Variants in ASXL2 observed in about 807,000 individuals in gnomAD.
ASXL2 encodes putative Polycomb group protein ASXL2.
ASXL2 carries 23 observed loss-of-function variants against 122.0 expected under a neutral mutation model. The observed-to-expected ratio is 0.19, with a 90% CI of 0.14 to 0.27. ASXL2 has a LOEUF of 0.27. Among genes scored for constraint, ASXL2 ranks in the 10% least tolerant of loss-of-function variants. The pLI is 1.00. For synonymous variants in ASXL2, 650 were observed against 637.0 expected, an observed-to-expected ratio of 1.02 and a Z score of -0.31; for missense variants, 1,518 against 1,713.8, an observed-to-expected ratio of 0.89 and a Z score of 2.02.
At chr2:25,849,906 G>A (rs1392072403) in intron 1 of ASXL2, among the ~76,000 whole-genome samples, 5 of 151,946 alleles carry the variant, frequency 3.3e-5, no homozygotes, top group Non-Finnish European at 7.4e-5. Flanking sequence ...CTATAGTTTT[G>A]GGGAGAAAGA....
intron 5 of ASXL2, among the ~76,000 whole-genome samples, chr2:25,779,187 A>G (rs2088594058): frequency 2.2e-5 from 3 of 135,920 alleles, no homozygotes; most frequent in Non-Finnish European, 4.6e-5. Context: ...CCTCCACTTG[A>G]TTGGGTTCAA....
intron 5 of ASXL2, among the ~76,000 whole-genome samples, chr2:25,773,580 G>T (rs1301924375): frequency 6.7e-6 from 1 of 150,082 alleles, no homozygotes; most frequent in Non-Finnish European, 1.5e-5. Context: ...GCAGGAGAAT[G>T]GCATGAACCT....
chr2:25,792,974 C>T (rs576456947), intron 5 of ASXL2, among the ~76,000 whole-genome samples: 10 of 151,676 alleles, frequency 6.6e-5, no homozygotes, highest in South Asian at 4.2e-4. Context: ...AATTTTAGGC[C>T]GGGCGTGGCG....
At chr2:25,825,521 A>G (rs963760404) in intron 3 of ASXL2, among the ~76,000 whole-genome samples, 3 of 152,240 alleles carry the variant, frequency 2.0e-5, no homozygotes, top group African/African-American at 7.2e-5. Flanking sequence ...GGTATCTCAT[A>G]TAAGTGGAAT....
At chr2:25,810,200 C>A in intron 3 of ASXL2, 1 of 587,684 alleles carries the variant, frequency 1.7e-6, no homozygotes. Flanking sequence ...GCTCATCCAT[C>A]TCTCGGCAAT....
chr2:25,776,623 G>A (rs940076513), intron 5 of ASXL2, among the ~76,000 whole-genome samples: 3 of 152,168 alleles, frequency 2.0e-5, no homozygotes, highest in African/African-American at 7.2e-5. Flanking sequence ...CACCAGGAAT[G>A]TACAAGGCCA....
At chr2:25,866,106 AAAGC>A (rs2089900573) in intron 1 of ASXL2, among the ~76,000 whole-genome samples, 1 of 151,940 alleles carries the variant, frequency 6.6e-6, no homozygotes, top group Non-Finnish European at 1.5e-5. Context: ...GATTGTCATT[AAAGC>A]TTAAGACTTC....
intron 1 of ASXL2, among the ~76,000 whole-genome samples, chr2:25,850,185 A>AT (rs34780293): frequency 1.1e-4 from 16 of 149,680 alleles, no homozygotes; most frequent in East Asian, 7.8e-4. Context: ...AAGGACTTAA[A>AT]TTTTTTTTTT....
intron 1 of ASXL2, among the ~76,000 whole-genome samples, chr2:25,862,850 C>G (rs1467986350): frequency 6.6e-6 from 1 of 151,948 alleles, no homozygotes; most frequent in Admixed American, 6.6e-5. Flanking sequence ...AGGTGATCCA[C>G]CTGCCTCGGC....
chr2:25,773,675 A>AC (rs1333489348), intron 5 of ASXL2, among the ~76,000 whole-genome samples: 3 of 151,710 alleles, frequency 2.0e-5, no homozygotes, highest in African/African-American at 4.8e-5. Context: ...CAAAAAAAAA[A>AC]AAACAAAAAT....
Position 25,737,326 on chromosome 2 carries a change from T to A in ASXL2, c.*4703A>T, listed in dbSNP as rs762584523. The A allele has an allele frequency of 6.6e-6, 1 of 151,928 alleles. No individual in the cohort carries two copies. The allele number at this position is 151,928 out of a possible 1,614,324, so 9.4% of individuals were successfully genotyped here. A position where few individuals can be genotyped will look rare whatever the true frequency, so the allele number is the denominator to read the frequency against. On this transcript the variant is annotated 3_prime_UTR_variant, in exon 13 of 13. Transcript: ENST00000435504. ...ACCACTGTGGAGAAAGGAAAACCTA[T>A]TTTTTCCCCCGAGATATTTCCTTAC...
chr2:25,743,806 G>C lies in ASXL2; in HGVS notation c.2531C>G (p.Ala844Gly). The C allele has an allele frequency of 6.2e-7, 1 of 1,614,016 alleles. No individual in the cohort carries two copies. The highest frequency in any genetic ancestry group is 8.5e-7 in the Non-Finnish European group (1 of 1,179,902). The stretch of plus-strand genomic sequence containing the variant: ...ATCAGCTGCACAATGAACAGGTGAG[G>C]CACCTGAGATTAGAGCAGGACCTGT... Reference protein sequence around the residue: ...SPTGPALISGASPVHCAADGT... With the variant: ...SPTGPALISGGSPVHCAADGT... The change falls in exon 13 of 13, where the codon GCC (alanine) becomes GGC (glycine). Residue 844 changes from alanine to glycine, a missense_variant. Ala to Gly is a moderately conservative substitution (Grantham distance 60). Coordinates refer to ENST00000435504, the MANE Select transcript of ASXL2 (RefSeq NM_018263.6).
At chr2:25,773,016 C>G (rs1185117971) in intron 5 of ASXL2, among the ~76,000 whole-genome samples, 1 of 151,412 alleles carries the variant, frequency 6.6e-6, no homozygotes, top group Non-Finnish European at 1.5e-5. Flanking sequence ...CAAGACCAGC[C>G]TGACCAATAT....
intron 1 of ASXL2, among the ~76,000 whole-genome samples, chr2:25,856,084 G>A (rs965070862): frequency 1.3e-5 from 2 of 150,870 alleles, no homozygotes; most frequent in African/African-American, 4.9e-5. Flanking sequence ...TTGAGACGGA[G>A]TCTCACTTTG....
chr2:25,793,296 A>T (rs1010091693), intron 5 of ASXL2, among the ~76,000 whole-genome samples: 3 of 152,214 alleles, frequency 2.0e-5, no homozygotes, highest in Non-Finnish European at 4.4e-5. Context: ...AGTCAGTTTT[A>T]CATAGTTCAC....
rs530256820 is a variant in ASXL2 at position 25,750,496 on chromosome 2, G to A, written c.1143-83C>T. On this transcript the variant is annotated intron_variant, in intron 11 of 12. Transcript: ENST00000435504. ...TTCATTAATAGAGATAATGGAAGATGACAATGCCTAGGAGAACCCCTGACA... is the reference window on the plus strand; with the variant it reads ...TTCATTAATAGAGATAATGGAAGATAACAATGCCTAGGAGAACCCCTGACA... 477 of 1,235,982 alleles carry A rather than the reference G, an allele frequency of 3.9e-4. 1 individual carries two copies. The highest frequency in any genetic ancestry group is 3.2e-3 in the South Asian group (211 of 66,932). 76.6% of individuals were successfully genotyped at this position (1,235,982 alleles called of 1,614,324 possible).
intron 1 of ASXL2, among the ~76,000 whole-genome samples, chr2:25,864,892 C>T (rs560026015): frequency 6.6e-6 from 1 of 151,358 alleles, no homozygotes; most frequent in African/African-American, 2.4e-5. Context: ...AGTACAATAG[C>T]GCGATCTCAG....
intron 1 of ASXL2, among the ~76,000 whole-genome samples, chr2:25,862,375 A>C (rs763506463): frequency 2.6e-5 from 4 of 152,210 alleles, no homozygotes; most frequent in Non-Finnish European, 5.9e-5. Flanking sequence ...GGATATAAAC[A>C]ATTACAAAAG....
chr2:25,744,623 C>T lies in ASXL2; in HGVS notation c.1861-147G>A. ...GGTGGTCTATGGCCGAGAGGCCAAA[C>T]CTTGGAGACAGCAATACTAGTTTGT... On this transcript the variant is annotated intron_variant, in intron 12 of 12. Transcript: ENST00000435504. This position sits in a 1 kb window ranked among gnomAD's most constrained non-coding sequence, Gnocchi z 4.7. 1 of 900,760 alleles carries T rather than the reference C, an allele frequency of 1.1e-6. No homozygotes were observed. The highest frequency in any genetic ancestry group is 2.0e-5 in the South Asian group (1 of 50,670). 55.8% of individuals were successfully genotyped at this position (900,760 alleles called of 1,614,324 possible).
Sources: gnomAD v4.1 joint callset for allele counts (sites outside exome capture counted in the v4.1 genomes callset) on GRCh38, gnomAD v4.1.1 for gene constraint, Gnocchi (gnomAD v3.1) non-coding constraint, MANE v1.5 for transcripts, NCBI Gene and HGNC (gene_info 2026-07-23, HGNC 2026-07-21) for gene names.